Variants in NREP observed in about 807,000 individuals in gnomAD.
The protein encoded by NREP is neuronal regeneration related protein.
NREP carries 5 observed loss-of-function variants against 8.6 expected under a neutral mutation model. The observed-to-expected ratio is 0.58, with a 90% CI of 0.30 to 1.22. The LOEUF (loss-of-function observed/expected upper bound fraction) is 1.22, where lower values mean the gene tolerates loss of function less well. Among genes scored for constraint, NREP ranks in the 50% most tolerant of loss-of-function variants. The pLI, the probability that NREP is intolerant of heterozygous loss-of-function variation, is 0.07. For synonymous variants in NREP, 27 were observed against 28.0 expected (o/e 0.96, Z 0.11); for missense variants, 86 against 82.5 (o/e 1.04, Z -0.17).
In NREP at chr5:111,913,035, G is replaced by A. The variant is rs557110474; in HGVS notation, c.135+62239C>T. Among the ~76,000 whole-genome samples, 308 of 152,202 alleles carry A rather than the reference G, an allele frequency of 2.0e-3. 3 individuals are homozygous for A. Among genetic ancestry groups the A allele is most frequent in the South Asian group, 0.019 (90 of 4,824 alleles). ...ATATTGTTTACTTATTAGCTACAATGTGTAAGACACCTACTGTACAGCAGC... is the reference window on the plus strand; with the variant it reads ...ATATTGTTTACTTATTAGCTACAATATGTAAGACACCTACTGTACAGCAGC... On this transcript the variant is annotated intron_variant, in intron 2 of 3. Coordinates refer to the NREP transcript ENST00000395634.
chr5:111,832,338 C>G (rs1240823480), intron 2 of NREP, among the ~76,000 whole-genome samples: 1 of 151,970 alleles, frequency 6.6e-6, no homozygotes, highest in South Asian at 2.1e-4. Context: ...GACAATATGG[C>G]GAAACCCCAC....
At chr5:111,969,220 C>T (rs776909198) in intron 2 of NREP, among the ~76,000 whole-genome samples, 1 of 152,176 alleles carries the variant, frequency 6.6e-6, no homozygotes, top group Admixed American at 6.5e-5. Context: ...TTGTGCTCAT[C>T]ACATTTACAG....
chr5:111,763,901 T>C (rs1751023153), intron 2 of NREP, among the ~76,000 whole-genome samples: 1 of 152,322 alleles, frequency 6.6e-6, no homozygotes, highest in African/African-American at 2.4e-5. Context: ...TCTGTAACAC[T>C]GGGGAAATGC....
intron 2 of NREP, among the ~76,000 whole-genome samples, chr5:111,881,387 C>T (rs1754063091): frequency 6.6e-6 from 1 of 152,218 alleles, no homozygotes; most frequent in Non-Finnish European, 1.5e-5. Context: ...GTAGGCTTCA[C>T]CTCTGGGGGG....
At chr5:111,756,014 G>C (rs1410696541) in intron 1 of NREP, 184 bp from the exon 2 acceptor site, 3 of 1,372,962 alleles carry the variant, frequency 2.2e-6, no homozygotes, top group Non-Finnish European at 2.8e-6. Context: ...GCTTAACTAA[G>C]GGACAAAGGA....
intron 2 of NREP, among the ~76,000 whole-genome samples, chr5:111,925,174 G>T (rs533480663): frequency 6.6e-6 from 1 of 152,074 alleles, no homozygotes; most frequent in African/African-American, 2.4e-5. Flanking sequence ...GCTCCTGGGC[G>T]TAACGGCAGT....
intron 2 of NREP, among the ~76,000 whole-genome samples, chr5:111,856,501 G>A (rs945255659): frequency 2.0e-5 from 3 of 152,000 alleles, no homozygotes; most frequent in African/African-American, 4.8e-5. Context: ...TACTGTGTTC[G>A]AAGCAGTATG....
chr5:111,772,755 C>A lies in NREP; in HGVS notation c.136-37248G>T, dbSNP rs939496056. ...GACACAACTGGAGTCACTTCTGACT[C>A]AGCACCTGAAAGATGTTGTTTTCCT... On this transcript the variant is annotated intron_variant, in intron 2 of 3. Coordinates refer to the NREP transcript ENST00000395634. Among the ~76,000 whole-genome samples, 6 of 152,190 alleles carry A rather than the reference C, an allele frequency of 3.9e-5. No individual in the cohort carries two copies. In the South Asian group the frequency reaches 1.2e-3, roughly 32 times the overall value.
intron 2 of NREP, among the ~76,000 whole-genome samples, chr5:111,737,677 A>T (rs975489543): frequency 6.6e-6 from 1 of 150,984 alleles, no homozygotes. Flanking sequence ...TATTACACCT[A>T]TTCTAACAAT....
At chr5:111,903,431 A>G (rs1479800566) in intron 2 of NREP, among the ~76,000 whole-genome samples, 30 of 152,128 alleles carry the variant, frequency 2.0e-4, no homozygotes, top group Non-Finnish European at 4.4e-4. Flanking sequence ...AGATTAGAAG[A>G]AAGAATTAAA....
intron 2 of NREP, among the ~76,000 whole-genome samples, chr5:111,751,929 A>T (rs929221807): frequency 3.9e-5 from 6 of 152,250 alleles, no homozygotes; most frequent in Non-Finnish European, 7.3e-5. Context: ...CCACGAAGTT[A>T]CGCCAAGGAT....
chr5:111,854,387 C>G (rs571584093), intron 2 of NREP, among the ~76,000 whole-genome samples: 3 of 152,140 alleles, frequency 2.0e-5, no homozygotes, highest in Non-Finnish European at 4.4e-5. Context: ...CTGATGGAGC[C>G]CTAGTTGACA....
intron 2 of NREP, among the ~76,000 whole-genome samples, chr5:111,855,303 T>C (rs969280345): frequency 3.9e-5 from 6 of 152,212 alleles, no homozygotes; most frequent in African/African-American, 1.4e-4. Context: ...TTTCCACATA[T>C]ATAAAATAGA....
Position 111,824,165 on chromosome 5 carries a change from T to A in NREP, c.136-88658A>T, listed in dbSNP as rs543777778. Reference sequence around the variant, plus strand: ...TCGGGCGGATCACGAGGTCAGGAGATCAAGGCCATCCTGGCTAACACGGTG... The same window carrying A: ...TCGGGCGGATCACGAGGTCAGGAGAACAAGGCCATCCTGGCTAACACGGTG... On this transcript the variant is annotated intron_variant, in intron 2 of 3. Transcript: ENST00000395634. 7.6e-4 allele frequency among the ~76,000 whole-genome samples: 116 copies of A among 152,208 alleles called. 2 individuals carry two copies. Among genetic ancestry groups the A allele is most frequent in the African/African-American group, 2.8e-3 (116 of 41,526 alleles).
chr5:111,913,765 G>T (rs190205898), intron 2 of NREP, among the ~76,000 whole-genome samples: 95 of 152,172 alleles, frequency 6.2e-4, no homozygotes, highest in Admixed American at 1.1e-3. Flanking sequence ...CCCCGTCTCT[G>T]GATTTGATTA....
chr5:111,840,834 C>A (rs1753012435), intron 2 of NREP, among the ~76,000 whole-genome samples: 1 of 152,044 alleles, frequency 6.6e-6, no homozygotes, highest in Admixed American at 6.6e-5. Flanking sequence ...CAAAATAGGT[C>A]TAGAGGCAAA....
At chr5:111,951,165 G>A (rs1044265654) in intron 2 of NREP, among the ~76,000 whole-genome samples, 1 of 151,880 alleles carries the variant, frequency 6.6e-6, no homozygotes, top group Admixed American at 6.6e-5. Context: ...ACTTAACACT[G>A]TGTTTGCCAC....
At chr5:111,852,505 T>C (rs1753334941) in intron 2 of NREP, among the ~76,000 whole-genome samples, 1 of 152,158 alleles carries the variant, frequency 6.6e-6, no homozygotes, top group Non-Finnish European at 1.5e-5. Context: ...CTCTTGATAA[T>C]TTAAATATTC....
At chr5:111,827,010 C>G (rs1752644155) in intron 2 of NREP, among the ~76,000 whole-genome samples, 1 of 152,158 alleles carries the variant, frequency 6.6e-6, no homozygotes. Flanking sequence ...TCCTTATGCA[C>G]TGGGGTAAAA....
Sources: gnomAD v4.1 joint callset for allele counts (sites outside exome capture counted in the v4.1 genomes callset) on GRCh38, gnomAD v4.1.1 for gene constraint, MANE v1.5 for transcripts, NCBI Gene and HGNC (gene_info 2026-07-23, HGNC 2026-07-21) for gene names.